The following FER1L6 variants were observed in gnomAD, a reference collection of about 807,000 sequenced individuals.
FER1L6 encodes fer-1 like family member 6.
In FER1L6, 177 loss-of-function variants were observed where a neutral mutation model predicts 219.2. The observed-to-expected ratio is 0.81, with a 90% CI of 0.71 to 0.91. The LOEUF (loss-of-function observed/expected upper bound fraction) is 0.91. FER1L6 is among the 40% of genes least tolerant of loss of function. The pLI is 0.00. For missense variants in FER1L6, 2,153 were observed against 2,259.9 expected (o/e 0.95, Z 0.96); for synonymous variants, 768 against 824.3 (o/e 0.93, Z 1.17).
At chr8:124,020,478 T>C (rs761004863) in intron 16 of FER1L6, among the ~76,000 whole-genome samples, 1 of 152,184 alleles carries the variant, frequency 6.6e-6, no homozygotes. Flanking sequence ...GAAGTCACTG[T>C]AAATATTTTT....
chr8:124,021,685 G>A lies in FER1L6; in HGVS notation c.2133+16G>A, dbSNP rs927947428. 3.7e-6 allele frequency: 6 copies of A among 1,613,108 alleles called. No individual in the cohort carries two copies. The African/African-American group carries it at 8.0e-5, about 22-fold the overall frequency. On this transcript the variant is annotated intron_variant, in intron 17 of 40. Transcript: ENST00000522917. ...TGTTGATGAGGTAACTGACTCTAAAGGCAAACCTCATTTGGAAGGTTAGAT... is the reference window on the plus strand; with the variant it reads ...TGTTGATGAGGTAACTGACTCTAAAAGCAAACCTCATTTGGAAGGTTAGAT...
chr8:123,889,337 G>A (rs1247865340), intron 1 of FER1L6, among the ~76,000 whole-genome samples: 1 of 152,134 alleles, frequency 6.6e-6, no homozygotes. Flanking sequence ...AAATATAAAT[G>A]AGTAAGTGCA....
chr8:124,035,643 A>C (rs1377119207), intron 19 of FER1L6, among the ~76,000 whole-genome samples, 189 bp downstream of exon 19: 1 of 152,246 alleles, frequency 6.6e-6, no homozygotes, highest in Non-Finnish European at 1.5e-5. Flanking sequence ...AAAGAGTAAA[A>C]TCATTAAACA....
At chr8:123,932,209 T>C (rs1586480621) in intron 1 of FER1L6, among the ~76,000 whole-genome samples, 2 of 152,026 alleles carry the variant, frequency 1.3e-5, no homozygotes, top group African/African-American at 2.4e-5. Flanking sequence ...CCTGAGTTCA[T>C]GCGATTCTCC....
intron 1 of FER1L6, among the ~76,000 whole-genome samples, chr8:123,875,193 T>A (rs1253428565): frequency 6.6e-6 from 1 of 151,120 alleles, no homozygotes; most frequent in Non-Finnish European, 1.5e-5. Context: ...AGACTCAGTC[T>A]AAAAAAAAAC....
chr8:123,866,821 A>G (rs1398947329), intron 1 of FER1L6, among the ~76,000 whole-genome samples: 1 of 151,814 alleles, frequency 6.6e-6, no homozygotes, highest in African/African-American at 2.4e-5. Context: ...GTCTCTCTTT[A>G]TTGCCCAGGC....
intron 18 of FER1L6, among the ~76,000 whole-genome samples, chr8:124,034,958 GT>G (rs1819134057): frequency 6.6e-6 from 1 of 152,148 alleles, no homozygotes; most frequent in South Asian, 2.1e-4. Context: ...CTGAGCCTGT[GT>G]TTCCCCATTT....
chr8:124,040,300 G>GCACGAGGCCA (rs1819427911), intron 20 of FER1L6: 5 of 399,820 alleles, frequency 1.3e-5, no homozygotes, highest in Non-Finnish European at 2.4e-5. Flanking sequence ...ACGAGGCCAA[G>GCACGAGGCCA]TGCAGTGGGG....
intron 31 of FER1L6, among the ~76,000 whole-genome samples, chr8:124,075,828 G>A (rs1001869221): frequency 3.3e-5 from 5 of 152,120 alleles, no homozygotes; most frequent in African/African-American, 1.2e-4. Context: ...ATCATTAAGC[G>A]GTGCGTGACT....
At chr8:123,857,556 C>A (rs1816669315) in intron 1 of FER1L6, among the ~76,000 whole-genome samples, 1 of 152,174 alleles carries the variant, frequency 6.6e-6, no homozygotes, top group African/African-American at 2.4e-5. Context: ...ACATCATATG[C>A]AGTTAAAACT....
At chr8:123,864,761 A>G (rs969942874) in intron 1 of FER1L6, among the ~76,000 whole-genome samples, 10 of 149,766 alleles carry the variant, frequency 6.7e-5, no homozygotes, top group Non-Finnish European at 1.3e-4. Context: ...CCTTTCTTCC[A>G]GTTGATCGCA....
chr8:124,104,116 G>C (rs1178170474), intron 39 of FER1L6, among the ~76,000 whole-genome samples: 4 of 152,116 alleles, frequency 2.6e-5, no homozygotes, highest in Non-Finnish European at 5.9e-5. Context: ...CTGACCTCAT[G>C]GTGTCTAGTT....
At chr8:124,062,606 G>T (rs184272990) in intron 25 of FER1L6, among the ~76,000 whole-genome samples, 2 of 152,240 alleles carry the variant, frequency 1.3e-5, no homozygotes, top group Admixed American at 6.5e-5. Context: ...ATATTGCTGT[G>T]TGTACATTAG....
chr8:123,889,946 AAC>A (rs1408690049), intron 1 of FER1L6, among the ~76,000 whole-genome samples: 2 of 152,152 alleles, frequency 1.3e-5, no homozygotes, highest in African/African-American at 4.8e-5. Context: ...ATTCAGAGAA[AAC>A]AAAGTTACAA....
At chr8:124,100,993 A>T in intron 37 of FER1L6, 104 bp from the exon 38 acceptor site, 1 of 1,076,006 alleles carries the variant, frequency 9.3e-7, no homozygotes, top group Non-Finnish European at 1.4e-6. Context: ...TGATTTTTAA[A>T]CTATGCTCTG....
At chr8:123,997,299 G>C (rs1006620676) in intron 12 of FER1L6, among the ~76,000 whole-genome samples, 1 of 152,036 alleles carries the variant, frequency 6.6e-6, no homozygotes, top group Admixed American at 6.5e-5. Flanking sequence ...GGATAAAAGG[G>C]TTTTTGTTGT....
chr8:123,875,141 G>T (rs900759518), intron 1 of FER1L6, among the ~76,000 whole-genome samples: 8 of 152,108 alleles, frequency 5.3e-5, no homozygotes, highest in Non-Finnish European at 8.8e-5. Context: ...GTTGCAGTGA[G>T]CCAAGATGAC....
At chr8:124,102,105 C>T (rs1822572829) in intron 38 of FER1L6, among the ~76,000 whole-genome samples, 1 of 152,112 alleles carries the variant, frequency 6.6e-6, no homozygotes, top group African/African-American at 2.4e-5. Context: ...GATTATCAGA[C>T]TTGAAGAGTC....
At chr8:124,074,486 C>G (rs1479187688) in intron 31 of FER1L6, among the ~76,000 whole-genome samples, 1 of 151,836 alleles carries the variant, frequency 6.6e-6, no homozygotes. Flanking sequence ...GGTGAAACCC[C>G]ATCTCTGATA....
Sources: gnomAD v4.1 joint callset for allele counts (sites outside exome capture counted in the v4.1 genomes callset) on GRCh38, gnomAD v4.1.1 for gene constraint, MANE v1.5 for transcripts, NCBI Gene and HGNC (gene_info 2026-07-23, HGNC 2026-07-21) for gene names.